Variants in PTPRG observed in about 807,000 individuals in gnomAD.
The protein encoded by PTPRG is protein tyrosine phosphatase receptor type G.
Under a neutral mutation model 165.3 loss-of-function variants are expected in PTPRG, and 102 were observed. The ratio of observed to expected loss-of-function variants is 0.62; its 90% CI spans 0.53 to 0.73. The LOEUF (loss-of-function observed/expected upper bound fraction) is 0.73, where lower values mean the gene tolerates loss of function less well. PTPRG is among the 30% of genes least tolerant of loss of function. PTPRG has a pLI of 0.00. For missense variants in PTPRG, 1,866 were observed against 1,861.4 expected (o/e 1.00, Z -0.05); for synonymous variants, 675 against 669.5 (o/e 1.01, Z -0.13).
chr3:61,989,571 T>C, intron 2 of PTPRG, 54 bp from the exon 3 acceptor site: 17 of 1,544,984 alleles, frequency 1.1e-5, no homozygotes, highest in Non-Finnish European at 1.5e-5. Flanking sequence ...GATTTATTCA[T>C]TTCATCCCTG....
intron 4 of PTPRG, among the ~76,000 whole-genome samples, chr3:62,074,893 C>T (rs555558289): frequency 6.6e-6 from 1 of 152,200 alleles, no homozygotes; most frequent in Non-Finnish European, 1.5e-5. Flanking sequence ...CAGCCTCTGT[C>T]CAAACTTGGA....
intron 3 of PTPRG, among the ~76,000 whole-genome samples, chr3:61,994,037 C>G (rs984282448): frequency 6.6e-6 from 1 of 152,208 alleles, no homozygotes; most frequent in African/African-American, 2.4e-5. Context: ...AATATCTTCA[C>G]AAGACAGATA....
At chr3:61,950,263 A>G (rs1383584667) in intron 2 of PTPRG, among the ~76,000 whole-genome samples, 1 of 152,032 alleles carries the variant, frequency 6.6e-6, no homozygotes, top group Non-Finnish European at 1.5e-5. Flanking sequence ...ACTTTCTGCC[A>G]TCTTACTTAC....
chr3:62,020,261 C>T (rs564144722), intron 4 of PTPRG, among the ~76,000 whole-genome samples: 2 of 151,988 alleles, frequency 1.3e-5, no homozygotes, highest in African/African-American at 2.4e-5. Flanking sequence ...TCTAATTTTC[C>T]TACTTGTACC....
At chr3:61,754,437 T>C (rs1394741982) in intron 2 of PTPRG, among the ~76,000 whole-genome samples, 1 of 152,168 alleles carries the variant, frequency 6.6e-6, no homozygotes, top group East Asian at 1.9e-4. Flanking sequence ...ATAACATGCA[T>C]GTGTGTGTCT....
At chr3:62,276,830 T>G in intron 24 of PTPRG, 142 bp from the exon 25 acceptor site, 1 of 655,156 alleles carries the variant, frequency 1.5e-6, no homozygotes, top group Non-Finnish European at 2.6e-6. Context: ...TGATAACACT[T>G]TAGCTTGTTT....
intron 6 of PTPRG, among the ~76,000 whole-genome samples, chr3:62,145,518 AAAAAT>A (rs1414966904): frequency 8.6e-5 from 13 of 152,038 alleles, no homozygotes; most frequent in Admixed American, 6.5e-4. Context: ...TCGTCCATAC[AAAAAT>A]AAAATGAAAT....
intron 2 of PTPRG, among the ~76,000 whole-genome samples, chr3:61,939,970 A>G (rs1350582206): frequency 1.4e-5 from 1 of 71,644 alleles, no homozygotes; most frequent in South Asian, 5.8e-4. Context: ...TTTTTGAGAC[A>G]GTCTTGCTCT....
intron 14 of PTPRG, among the ~76,000 whole-genome samples, chr3:62,234,042 A>G (rs1700967602): frequency 6.6e-6 from 1 of 152,176 alleles, no homozygotes; most frequent in Non-Finnish European, 1.5e-5. Context: ...TTACACATAT[A>G]TAATATATAA....
At chr3:61,964,368 T>C (rs958164457) in intron 2 of PTPRG, among the ~76,000 whole-genome samples, 1 of 152,164 alleles carries the variant, frequency 6.6e-6, no homozygotes, top group African/African-American at 2.4e-5. Context: ...AAAGGAGATC[T>C]TTTCTTATGG....
At chr3:61,566,828 C>T (rs914193221) in intron 1 of PTPRG, among the ~76,000 whole-genome samples, 5 of 152,140 alleles carry the variant, frequency 3.3e-5, no homozygotes, top group African/African-American at 7.2e-5. Context: ...TACAGTGACA[C>T]GTTGTTTGTT....
Position 62,190,738 on chromosome 3 carries a change from T to G in PTPRG, c.1034-731T>G, listed in dbSNP as rs1292569973. On this transcript the variant is annotated intron_variant, in intron 8 of 29. Transcript: ENST00000474889. The surrounding 1 kb of genome is among the most constrained non-coding windows in gnomAD (Gnocchi z 5.2). ...GTTTACAATAAGATTTCGTCTACAATTTTAGTTAGCACACTCCACCAGTCC... is the reference window on the plus strand; with the variant it reads ...GTTTACAATAAGATTTCGTCTACAAGTTTAGTTAGCACACTCCACCAGTCC... Among the ~76,000 whole-genome samples, 1 of 152,186 alleles carries G rather than the reference T, an allele frequency of 6.6e-6. No homozygotes were observed. Among genetic ancestry groups the G allele is most frequent in the African/African-American group, 2.4e-5 (1 of 41,432 alleles).
At chr3:61,568,542 G>C (rs897748966) in intron 1 of PTPRG, among the ~76,000 whole-genome samples, 1 of 152,194 alleles carries the variant, frequency 6.6e-6, no homozygotes, top group African/African-American at 2.4e-5. Flanking sequence ...AATATATTCT[G>C]TGTGAGATAG....
At chr3:61,812,255 G>A (rs1379178289) in intron 2 of PTPRG, among the ~76,000 whole-genome samples, 1 of 151,884 alleles carries the variant, frequency 6.6e-6, no homozygotes, top group Non-Finnish European at 1.5e-5. Flanking sequence ...ACTGTCTTGA[G>A]GGTAGTTTAG....
At chr3:61,903,803 T>G (rs1444191452) in intron 2 of PTPRG, among the ~76,000 whole-genome samples, 1 of 152,186 alleles carries the variant, frequency 6.6e-6, no homozygotes, top group East Asian at 1.9e-4. Context: ...ATTAAACAAA[T>G]TAAGTCATGA....
chr3:61,889,563 AT>A, intron 2 of PTPRG, among the ~76,000 whole-genome samples: 1 of 152,294 alleles, frequency 6.6e-6, no homozygotes, highest in Middle Eastern at 3.4e-3. Flanking sequence ...CTCCGTTAGT[AT>A]TTTTATGTTG....
chr3:62,163,587 T>TATA (rs1704851481), intron 7 of PTPRG, among the ~76,000 whole-genome samples: 1 of 152,114 alleles, frequency 6.6e-6, no homozygotes, highest in African/African-American at 2.4e-5. Flanking sequence ...GTTTGATAAA[T>TATA]ATAAGGGGGA....
At chr3:62,092,168 A>G (rs113753510) in intron 5 of PTPRG, among the ~76,000 whole-genome samples, 15 of 151,434 alleles carry the variant, frequency 9.9e-5, no homozygotes, top group African/African-American at 3.4e-4. Flanking sequence ...GGCCGGGTCC[A>G]GCTGCACATG....
At chr3:61,986,549 G>C (rs2040767581) in intron 2 of PTPRG, among the ~76,000 whole-genome samples, 1 of 152,166 alleles carries the variant, frequency 6.6e-6, no homozygotes, top group Non-Finnish European at 1.5e-5. Context: ...TTAGTACTTA[G>C]AGGTTGGCAG....
Sources: allele counts gnomAD v4.1 joint callset (sites outside exome capture counted in the v4.1 genomes callset), GRCh38; gene constraint gnomAD v4.1.1; non-coding constraint Gnocchi (gnomAD v3.1); transcripts MANE v1.5; gene names NCBI Gene and HGNC (gene_info 2026-07-23, HGNC 2026-07-21).